The following RPS4X variants were observed in gnomAD, a reference collection of about 807,000 sequenced individuals.
RPS4X encodes the protein ribosomal protein S4 X-linked.
For synonymous variants in RPS4X, 76 were observed against 76.8 expected (o/e 0.99, Z 0.06); for missense variants, 90 against 219.1 (o/e 0.41, Z 3.72).
Position 72,272,636 on chromosome X carries a change from G to T in RPS4X, c.*35C>A. The T allele has an allele frequency of 1.0e-6, 1 of 962,289 alleles. No homozygotes were observed. The highest frequency in any genetic ancestry group is 1.5e-6 in the Non-Finnish European group (1 of 685,996). 79.3% of individuals were successfully genotyped at this position (962,289 alleles called of 1,213,427 possible). ...ATCCTGCCACAATATTTTTAATTAC[G>T]TACAAAGATCTGACATGTCACCCAG... On this transcript the variant is annotated 3_prime_UTR_variant, in exon 7 of 7. Transcript: ENST00000316084.
Position 72,272,677 on chromosome X carries a change from A to G in RPS4X, c.786T>C (p.Ser262=). Residue 262 remains serine, a synonymous_variant, in exon 7 of 7, where the codon AGT becomes AGC. Coordinates refer to ENST00000316084, the MANE Select transcript of RPS4X (RefSeq NM_001007.5). ...RDKRLAAKQS[S]G The stretch of plus-strand genomic sequence containing the variant: ...TGTCACCCAGGGACCCATTTCACCC[A>G]CTGCTCTGTTTGGCCGCCAGTCTTT... 8.3e-7 allele frequency: 1 copy of G among 1,198,866 alleles called. No individual in the cohort carries two copies. Among genetic ancestry groups the G allele is most frequent in the Admixed American group, 2.2e-5 (1 of 45,918 alleles).
At position 72,275,521 on chromosome X, in the gene RPS4X, C is replaced by G. The variant is rs759628126; in HGVS notation, c.262+23G>C. Reference sequence around the variant, plus strand: ...ATAGGGCTGCCATCAATATGCGTCTCCAGAGTATTTAAAACTTCTTACCCA... The same window carrying G: ...ATAGGGCTGCCATCAATATGCGTCTGCAGAGTATTTAAAACTTCTTACCCA... On this transcript the variant is annotated intron_variant, in intron 3 of 6. Transcript: ENST00000316084. 72 of 1,088,024 alleles carry G rather than the reference C, an allele frequency of 6.6e-5. 1 individual carries two copies. The East Asian group carries it at 1.8e-3, about 28-fold the overall frequency. The allele number at this position is 1,088,024 out of a possible 1,213,427, so 89.7% of individuals were successfully genotyped here.
At chrX:72,275,431 CTT>C (rs1267212006) in intron 3 of RPS4X, 111 bp downstream of exon 3, 2 of 599,311 alleles carry the variant, frequency 3.3e-6, no homozygotes, top group Non-Finnish European at 2.6e-6. Context: ...GAAGGTCAGG[CTT>C]TGTTTCTGAG....
intron 4 of RPS4X, 135 bp downstream of exon 4, chrX:72,274,918 T>C: frequency 2.3e-6 from 1 of 441,393 alleles, no homozygotes; most frequent in East Asian, 3.8e-5. Flanking sequence ...ATCGAATTGT[T>C]AGCTAGATAT....
intron 1 of RPS4X, 73 bp downstream of exon 1, chrX:72,277,120 A>G: frequency 8.6e-7 from 1 of 1,165,757 alleles, no homozygotes; most frequent in South Asian, 1.8e-5. Context: ...GGAATCCCGA[A>G]ACCTCGGGCA....
chrX:72,273,154 G>A, intron 6 of RPS4X, 78 bp downstream of exon 6: 1 of 1,002,366 alleles, frequency 1.0e-6, no homozygotes, highest in Non-Finnish European at 1.4e-6. Flanking sequence ...CCAGCCAGGA[G>A]CCTGGATGCT....
intron 4 of RPS4X, chrX:72,274,323 C>T: frequency 3.0e-6 from 1 of 337,027 alleles, no homozygotes; most frequent in Non-Finnish European, 5.8e-6. Context: ...ATCCAATCAA[C>T]AAATACTTCA....
rs2043183912 is a variant in RPS4X at position 72,272,218 on chromosome X, G to A, written c.*453C>T. On this transcript the variant is annotated 3_prime_UTR_variant, in exon 7 of 7. Transcript: ENST00000316084. ...TGGCAACTGGAGATTTTCATCCTGC[G>A]TTTGGCAAGATGGGCACAGGAGTGG... 1.8e-5 allele frequency: 2 copies of A among 113,901 alleles called. No homozygotes were observed. The highest frequency in any genetic ancestry group is 3.2e-5 in the African/African-American group (1 of 30,885). 9.4% of individuals were successfully genotyped at this position (113,901 alleles called of 1,213,427 possible). A position where few individuals can be genotyped will look rare whatever the true frequency, so the allele number is the denominator to read the frequency against.
At chrX:72,273,750 T>C in intron 5 of RPS4X, 51 bp downstream of exon 5, 1 of 1,079,586 alleles carries the variant, frequency 9.3e-7, no homozygotes, top group Non-Finnish European at 1.3e-6. Flanking sequence ...GTGCAATTCA[T>C]AATGATCTAG....
At chrX:72,272,997 T>A (rs898638206) in intron 6 of RPS4X, among the ~76,000 whole-genome samples, 3 of 111,868 alleles carry the variant, frequency 2.7e-5, no homozygotes, top group Admixed American at 9.5e-5. Context: ...TCAGAATTAA[T>A]GTCTTAGAAG....
intron 1 of RPS4X, among the ~76,000 whole-genome samples, chrX:72,276,663 TG>T (rs1334170771): frequency 8.9e-6 from 1 of 112,212 alleles, no homozygotes; most frequent in Non-Finnish European, 1.9e-5. Context: ...TTGACACGTA[TG>T]GAACAAGATT....
intron 4 of RPS4X, 180 bp downstream of exon 4, chrX:72,274,873 A>G: frequency 2.5e-6 from 1 of 407,382 alleles, no homozygotes; most frequent in East Asian, 3.9e-5. Flanking sequence ...GACTTTTAAT[A>G]ACATGACAAA....
In RPS4X at chrX:72,275,694, A is replaced by C. The variant is rs771272742; in HGVS notation, c.112T>G (p.Leu38Val). The part of the protein sequence containing the change: ...APRPSTGPHK[L>V]RECLPLIIFL... Reference sequence around the variant, plus strand: ...ATGATGAGGGGGAGACACTCTCTCAACTTGTGGGGACCGGTGGATGGACGA... The same window carrying C: ...ATGATGAGGGGGAGACACTCTCTCACCTTGTGGGGACCGGTGGATGGACGA... The change falls in exon 3 of 7, where the codon TTG becomes GTG. Residue 38 changes from leucine (L) to valine (V), a missense_variant. By Grantham distance (32) the Leu-to-Val change is conservative. Transcript: ENST00000316084. The C allele has an allele frequency of 1.3e-5, 16 of 1,204,450 alleles. No individual in the cohort carries two copies. The highest frequency in any genetic ancestry group is 2.3e-4 in the Middle Eastern group (1 of 4,373).
rs1397395028 is a variant in RPS4X at position 72,272,782 on chromosome X, A to G, written c.691-10T>C. 2 of 1,163,603 alleles carry G rather than the reference A, an allele frequency of 1.7e-6. No homozygotes were observed. The highest frequency in any genetic ancestry group is 2.3e-6 in the Non-Finnish European group (2 of 853,183). On this transcript the variant is annotated splice_polypyrimidine_tract_variant and intron_variant, in intron 6 of 6. Coordinates refer to ENST00000316084, the MANE Select transcript of RPS4X (RefSeq NM_001007.5). ...TCCATGGTTTGTTGCCCTGGAAGAGAAAACAAGCAGAATCAAAACCCACCA... is the reference window on the plus strand; with the variant it reads ...TCCATGGTTTGTTGCCCTGGAAGAGGAAACAAGCAGAATCAAAACCCACCA...
intron 1 of RPS4X, among the ~76,000 whole-genome samples, chrX:72,276,684 G>A (rs2147626927): frequency 8.9e-6 from 1 of 111,995 alleles, no homozygotes; most frequent in South Asian, 3.7e-4. Context: ...TCTGACATCC[G>A]CACAAACACA....
In RPS4X at chrX:72,277,177, T is replaced by C. The variant is rs1348106692; in HGVS notation, c.3+16A>G. 1.7e-6 allele frequency: 2 copies of C among 1,210,841 alleles called. No individual in the cohort carries two copies. Among genetic ancestry groups the C allele is most frequent in the East Asian group, 3.0e-5 (1 of 33,787 alleles). Reference sequence around the variant, plus strand: ...AGGCGGATACGTCCTAAGAGCTCGCTAACTAAACGGCTTACCATGGCTGCG... The same window carrying C: ...AGGCGGATACGTCCTAAGAGCTCGCCAACTAAACGGCTTACCATGGCTGCG... On this transcript the variant is annotated intron_variant, in intron 1 of 6. Coordinates refer to ENST00000316084, the MANE Select transcript of RPS4X (RefSeq NM_001007.5).
At chrX:72,274,569 CT>C in intron 4 of RPS4X, 1 of 298,621 alleles carries the variant, frequency 3.3e-6, no homozygotes, top group South Asian at 3.4e-5. Context: ...AGACTGTAAT[CT>C]TTTTTTAAAC....
At position 72,273,948 on chromosome X, in the gene RPS4X, T is replaced by C; in HGVS notation, c.385A>G (p.Ile129Val). The C allele has an allele frequency of 8.3e-7, 1 of 1,210,931 alleles. No homozygotes were observed. The highest frequency in any genetic ancestry group is 1.1e-6 in the Non-Finnish European group (1 of 894,933). ...AKYKLCKVRK[I>V]FVGTKGIPHL... ...GGGATTCCTTTTGTGCCCACAAAGA[T>C]CTTTCTCACTTTGCACAACTTGTAC... Residue 129 changes from isoleucine (I) to valine (V), a missense_variant, in exon 5 of 7, where the codon ATC (isoleucine) becomes GTC (valine). By Grantham distance (29) the Ile-to-Val change is conservative (BLOSUM62 3). Transcript: ENST00000316084.
In RPS4X at chrX:72,272,614, C is replaced by T; in HGVS notation, c.*57G>A. ...CCACAAAACCAAAATGCTATTAATCCTGCCACAATATTTTTAATTACGTAC... is the reference window on the plus strand; with the variant it reads ...CCACAAAACCAAAATGCTATTAATCTTGCCACAATATTTTTAATTACGTAC... On this transcript the variant is annotated 3_prime_UTR_variant, in exon 7 of 7. Coordinates refer to ENST00000316084, the MANE Select transcript of RPS4X (RefSeq NM_001007.5). 1.2e-6 allele frequency: 1 copy of T among 857,295 alleles called. No individual in the cohort carries two copies. The highest frequency in any genetic ancestry group is 1.7e-6 in the Non-Finnish European group (1 of 595,767). The allele number at this position is 857,295 out of a possible 1,213,427, so 70.7% of individuals were successfully genotyped here. A position where few individuals can be genotyped will look rare whatever the true frequency, so the allele number is the denominator to read the frequency against.
Sources: allele counts gnomAD v4.1 joint callset (sites outside exome capture counted in the v4.1 genomes callset), GRCh38; gene constraint gnomAD v4.1.1; transcripts MANE v1.5; gene names NCBI Gene and HGNC (gene_info 2026-07-23, HGNC 2026-07-21).